The following SCN8A variants were observed in gnomAD, a reference collection of about 807,000 sequenced individuals.
The protein encoded by SCN8A is sodium channel protein type 8 subunit alpha.
A neutral mutation model predicts 184.1 loss-of-function variants in SCN8A; 30 were observed. The observed-to-expected ratio is 0.16, with a 90% CI of 0.12 to 0.22. The LOEUF is 0.22. Among genes scored for constraint, SCN8A ranks in the 10% least tolerant of loss-of-function variants. The pLI, the probability that SCN8A is intolerant of heterozygous loss-of-function variation, is 1.00. For missense variants in SCN8A, 1,057 were observed against 2,498.9 expected, an observed-to-expected ratio of 0.42 and a Z score of 12.30; for synonymous variants, 852 against 907.0, an observed-to-expected ratio of 0.94 and a Z score of 1.09.
intron 1 of SCN8A, among the ~76,000 whole-genome samples, chr12:51,655,363 T>C (rs1385188855): frequency 8.7e-6 from 1 of 115,312 alleles, no homozygotes; most frequent in African/African-American, 2.8e-5. Context: ...CAGTTGGCAT[T>C]TTAAGGTCTT....
At chr12:51,686,973 G>C (rs1174731898) in intron 4 of SCN8A, 118 bp from the exon 5 acceptor site, 14 of 979,810 alleles carry the variant, frequency 1.4e-5, no homozygotes, top group Non-Finnish European at 2.1e-5. Flanking sequence ...TGCATTGGCT[G>C]TGCCCTTTCT....
intron 25 of SCN8A, among the ~76,000 whole-genome samples, chr12:51,791,980 G>A (rs1938267750): frequency 6.6e-6 from 1 of 152,152 alleles, no homozygotes; most frequent in Non-Finnish European, 1.5e-5. Context: ...ACTATGTACC[G>A]TGCACTAAGC....
chr12:51,702,926 C>A lies in SCN8A; in HGVS notation c.1134+12C>A. ...ACTTGTATCAATTGGTGAGTAATAC[C>A]TCTTTTCCTTTGGCCATAGAGTTTG... is the stretch of plus-strand genomic sequence containing the variant. On this transcript the variant is annotated intron_variant, in intron 9 of 26. Coordinates refer to ENST00000627620, the MANE Select transcript of SCN8A (RefSeq NM_001330260.2). 1.3e-6 allele frequency: 2 copies of A among 1,585,634 alleles called. No homozygotes were observed. Among genetic ancestry groups the A allele is most frequent in the Non-Finnish European group, 1.7e-6 (2 of 1,164,246 alleles).
At position 51,808,416 on chromosome 12, in the gene SCN8A, G is replaced by A. The variant is rs1049283580; in HGVS notation, c.*987G>A. 6.6e-6 allele frequency: 1 copy of A among 152,580 alleles called. No individual in the cohort carries two copies. Among genetic ancestry groups the A allele is most frequent in the Non-Finnish European group, 1.5e-5 (1 of 68,032 alleles). The allele number at this position is 152,580 out of a possible 1,614,324, so 9.5% of individuals were successfully genotyped here. A position where few individuals can be genotyped will look rare whatever the true frequency, so the allele number is the denominator to read the frequency against. ...GCCATTGTTGCACATTTTGCAAGAT[G>A]AACTATTTAATGCTGCTCTGTGTCC... On this transcript the variant is annotated 3_prime_UTR_variant, in exon 27 of 27. Transcript: ENST00000627620.
intron 6 of SCN8A, among the ~76,000 whole-genome samples, chr12:51,693,593 A>C (rs1188208256): frequency 6.6e-6 from 1 of 152,134 alleles, no homozygotes; most frequent in Non-Finnish European, 1.5e-5. Context: ...CTGTGACCAC[A>C]CCTGTGAGTA....
At chr12:51,630,496 T>G (rs1244964668) in intron 1 of SCN8A, among the ~76,000 whole-genome samples, 2 of 152,198 alleles carry the variant, frequency 1.3e-5, no homozygotes, top group Admixed American at 1.3e-4. Flanking sequence ...TACCACATTT[T>G]GTTTCCATTC....
rs1382569506 is a variant in SCN8A at position 51,706,523 on chromosome 12, T to C, written c.1443T>C (p.Ser481=). The change falls in exon 11 of 27, where the codon TCT becomes TCC. Residue 481 remains serine (S), a synonymous_variant. Coordinates refer to ENST00000627620, the MANE Select transcript of SCN8A (RefSeq NM_001330260.2). ...GGSPRSSSEI[S]KLSSKSAKER... is the part of the protein sequence containing the mutation. ...CCCCTCGGAGCTCTTCTGAAATCTC[T>C]AAACTCAGCTCAAAGAGTGCAAAGG... The C allele has an allele frequency of 1.2e-6, 2 of 1,605,494 alleles. No individual in the cohort carries two copies. The highest frequency in any genetic ancestry group is 3.4e-5 in the Admixed American group (2 of 58,670).
At chr12:51,667,416 A>G (rs950379534) in intron 2 of SCN8A, among the ~76,000 whole-genome samples, 3 of 151,600 alleles carry the variant, frequency 2.0e-5, no homozygotes, top group Non-Finnish European at 1.5e-5. Context: ...GTTGGAGTGC[A>G]GTGATGCAAT....
chr12:51,744,396 C>A (rs1460316055), intron 12 of SCN8A, among the ~76,000 whole-genome samples: 1 of 152,214 alleles, frequency 6.6e-6, no homozygotes, highest in Non-Finnish European at 1.5e-5. Flanking sequence ...CTGCTCTTCT[C>A]TCCTTTTTCC....
intron 12 of SCN8A, among the ~76,000 whole-genome samples, chr12:51,738,440 A>G (rs1436720846): frequency 6.6e-5 from 10 of 152,222 alleles, no homozygotes. Context: ...AGCCAGTGCT[A>G]TAGAGAAATG....
intron 1 of SCN8A, among the ~76,000 whole-genome samples, chr12:51,594,321 A>G (rs1303458198): frequency 6.6e-6 from 1 of 152,212 alleles, no homozygotes; most frequent in African/African-American, 2.4e-5. Context: ...TTGGAGCTAT[A>G]TCGGGGTAAA....
chr12:51,652,917 C>T (rs1380902018), intron 1 of SCN8A, among the ~76,000 whole-genome samples: 1 of 152,206 alleles, frequency 6.6e-6, no homozygotes, highest in Non-Finnish European at 1.5e-5. Flanking sequence ...TATTATTCAT[C>T]AGAGTATCAT....
At chr12:51,706,284 C>T (rs1941781505) in intron 10 of SCN8A, 138 bp from the exon 11 acceptor site, 1 of 756,034 alleles carries the variant, frequency 1.3e-6, no homozygotes, top group African/African-American at 1.8e-5. Context: ...CACAGAAACC[C>T]TCTAACAGTC....
intron 9 of SCN8A, among the ~76,000 whole-genome samples, chr12:51,704,531 A>G (rs929646573): frequency 2.6e-5 from 4 of 151,652 alleles, no homozygotes; most frequent in African/African-American, 9.7e-5. Context: ...TTAGCTGGGC[A>G]TGGTGGCACA....
At chr12:51,782,003 G>A (rs966005281) in intron 21 of SCN8A, among the ~76,000 whole-genome samples, 19 of 152,190 alleles carry the variant, frequency 1.2e-4, no homozygotes, top group Admixed American at 1.1e-3. Flanking sequence ...AGTTGTATAG[G>A]AAGATGAAAA....
At chr12:51,657,886 A>G (rs1461074766) in intron 1 of SCN8A, among the ~76,000 whole-genome samples, 5 of 152,158 alleles carry the variant, frequency 3.3e-5, no homozygotes, top group Admixed American at 6.5e-5. Context: ...TCCCTCCCCA[A>G]TGAATGTTCT....
intron 14 of SCN8A, among the ~76,000 whole-genome samples, chr12:51,754,003 C>T (rs1356838551): frequency 6.6e-6 from 1 of 151,998 alleles, no homozygotes; most frequent in East Asian, 1.9e-4. Flanking sequence ...TGTAGACATA[C>T]AGAAAGATGT....
chr12:51,650,506 CTTT>C (rs71092715), intron 1 of SCN8A, among the ~76,000 whole-genome samples: 22 of 101,042 alleles, frequency 2.2e-4, no homozygotes, highest in Admixed American at 6.1e-4. Context: ...AAAAGGCACT[CTTT>C]TTTTTTTTTT....
chr12:51,619,936 G>A (rs1194984236), intron 1 of SCN8A, among the ~76,000 whole-genome samples: 1 of 152,196 alleles, frequency 6.6e-6, no homozygotes, highest in African/African-American at 2.4e-5. Context: ...AGTAGAGAGG[G>A]CAGGTGGAAG....
Sources: allele counts gnomAD v4.1 joint callset (sites outside exome capture counted in the v4.1 genomes callset), GRCh38; gene constraint gnomAD v4.1.1; transcripts MANE v1.5; gene names NCBI Gene and HGNC (gene_info 2026-07-23, HGNC 2026-07-21).